PARVB: variants seen among roughly 807,000 people sequenced by gnomAD.
The protein encoded by PARVB is beta-parvin.
A neutral mutation model predicts 47.0 loss-of-function variants in PARVB; 46 were observed. That is an observed-to-expected ratio of 0.98 (90% CI 0.77 to 1.25). The LOEUF (loss-of-function observed/expected upper bound fraction) is 1.25. PARVB is among the 50% of genes most tolerant of loss of function. PARVB has a pLI of 0.00. For synonymous variants in PARVB, 196 were observed against 196.3 expected (o/e 1.00, Z 0.01); for missense variants, 473 against 471.6 (o/e 1.00, Z -0.03).
At chr22:44,073,607 C>A (rs1484264391) in intron 1 of PARVB, among the ~76,000 whole-genome samples, 4 of 152,230 alleles carry the variant, frequency 2.6e-5, no homozygotes, top group Non-Finnish European at 5.9e-5. Context: ...GTGTCACTGT[C>A]CTGATCTTCA....
At chr22:44,129,180 AT>A (rs2053256283) in intron 4 of PARVB, among the ~76,000 whole-genome samples, 2 of 152,162 alleles carry the variant, frequency 1.3e-5, no homozygotes, top group African/African-American at 4.8e-5. Flanking sequence ...AAAAGAGGAG[AT>A]TAGGACACAG....
intron 12 of PARVB, among the ~76,000 whole-genome samples, chr22:44,167,624 C>T (rs2054196577): frequency 6.6e-6 from 1 of 152,170 alleles, no homozygotes; most frequent in South Asian, 2.1e-4. Context: ...CCCCTGCCTC[C>T]ACTGGGCTGT....
intron 7 of PARVB, 46 bp downstream of exon 7, chr22:44,136,564 T>C (rs1262751249): frequency 1.3e-6 from 2 of 1,531,678 alleles, no homozygotes; most frequent in African/African-American, 1.4e-5. Flanking sequence ...CTGCCCCGAG[T>C]GAGTGGGACC....
At chr22:44,078,393 G>C (rs941952769) in intron 1 of PARVB, among the ~76,000 whole-genome samples, 6 of 152,192 alleles carry the variant, frequency 3.9e-5, no homozygotes, top group Non-Finnish European at 5.9e-5. Context: ...CATGGACTGA[G>C]TTCCCCTCTT....
chr22:44,167,997 A>G (rs2147196900), intron 12 of PARVB: 1 of 152,992 alleles, frequency 6.5e-6, no homozygotes, highest in Admixed American at 6.5e-5. Context: ...TCTTGTGATC[A>G]GGACTAAAGC....
intron 1 of PARVB, among the ~76,000 whole-genome samples, chr22:44,038,226 A>C (rs1258575998): frequency 6.6e-6 from 1 of 152,104 alleles, no homozygotes. Context: ...TTCCCATTTC[A>C]CTGGGAGATA....
In PARVB at chr22:44,024,375, C is replaced by T. The variant is rs2050693346; in HGVS notation, c.36C>T (p.Pro12=). The T allele has an allele frequency of 1.6e-6, 2 of 1,221,144 alleles. No homozygotes were observed. Among genetic ancestry groups the T allele is most frequent in the Non-Finnish European group, 2.1e-6 (2 of 967,050 alleles). 75.6% of individuals were successfully genotyped at this position (1,221,144 alleles called of 1,614,324 possible). A position where few individuals can be genotyped will look rare whatever the true frequency, so the allele number is the denominator to read the frequency against. Residue 12 remains proline (P), a synonymous_variant, in exon 1 of 13, where the codon CCC becomes CCT. Transcript: ENST00000338758. ...CGCCGCGCTCGCCCACCCCGCGGCC[C>T]CGCAGGATGAAGAAGGACGAGTCGT... ...SSAPRSPTPR[P]RRMKKDESFL...
chr22:44,078,022 G>A (rs1419282190), intron 1 of PARVB, among the ~76,000 whole-genome samples: 1 of 152,146 alleles, frequency 6.6e-6, no homozygotes, highest in Non-Finnish European at 1.5e-5. Context: ...TGGGCTTGGT[G>A]ACATGATAGA....
At chr22:44,075,455 G>C (rs933563761) in intron 1 of PARVB, among the ~76,000 whole-genome samples, 2 of 152,138 alleles carry the variant, frequency 1.3e-5, no homozygotes, top group Non-Finnish European at 2.9e-5. Flanking sequence ...TGTGGTACCT[G>C]GTGGACCCAC....
chr22:44,137,983 G>A (rs533080160), intron 7 of PARVB, among the ~76,000 whole-genome samples: 43 of 152,248 alleles, frequency 2.8e-4, no homozygotes, highest in Non-Finnish European at 5.0e-4. Context: ...CTAGGTGAGG[G>A]GGTCCCATAT....
intron 4 of PARVB, 68 bp downstream of exon 4, chr22:44,119,208 G>A (rs1189684725): frequency 2.2e-5 from 24 of 1,087,352 alleles, no homozygotes; most frequent in Middle Eastern, 2.1e-4. Flanking sequence ...GCTGGGCCAG[G>A]ATTCTCTGCA....
intron 8 of PARVB, chr22:44,144,064 C>T (rs532356724): frequency 9.7e-4 from 148 of 152,476 alleles, no homozygotes; most frequent in Non-Finnish European, 1.7e-3. Flanking sequence ...ACAGTCCACC[C>T]GGCTCTTGAA....
chr22:44,073,225 C>A (rs944152767), intron 1 of PARVB, among the ~76,000 whole-genome samples: 3 of 152,204 alleles, frequency 2.0e-5, no homozygotes, highest in African/African-American at 7.2e-5. Context: ...CACAATGGCT[C>A]ACACCTATAA....
chr22:44,055,962 A>G (rs2051303099), intron 1 of PARVB, among the ~76,000 whole-genome samples: 1 of 152,166 alleles, frequency 6.6e-6, no homozygotes, highest in Non-Finnish European at 1.5e-5. Flanking sequence ...ACACCTTCAC[A>G]GGCACGCCCA....
At chr22:44,107,404 A>G (rs2052591450) in intron 3 of PARVB, 1 of 152,252 alleles carries the variant, frequency 6.6e-6, no homozygotes, top group South Asian at 2.1e-4. Context: ...CAGTTGCCAT[A>G]TAAGGAGAAA....
At chr22:44,132,843 G>T in intron 5 of PARVB, 51 bp from the exon 6 acceptor site, 1 of 1,293,632 alleles carries the variant, frequency 7.7e-7, no homozygotes, top group Non-Finnish European at 1.1e-6. Flanking sequence ...GTGGGCTCAG[G>T]TTCCTGTGTA....
At chr22:44,003,990 C>T (rs1050160631) in intron 2 of PARVB, among the ~76,000 whole-genome samples, 1 of 152,196 alleles carries the variant, frequency 6.6e-6, no homozygotes, top group African/African-American at 2.4e-5. Flanking sequence ...GCCCCTAGTT[C>T]TGTTTGGAGA....
chr22:44,047,060 G>A (rs546061457), intron 1 of PARVB, among the ~76,000 whole-genome samples: 1 of 152,322 alleles, frequency 6.6e-6, no homozygotes, highest in African/African-American at 2.4e-5. Context: ...GAGCCACCAG[G>A]CCTATCCATG....
At chr22:44,048,874 T>G (rs1252203020) in intron 1 of PARVB, among the ~76,000 whole-genome samples, 2 of 152,156 alleles carry the variant, frequency 1.3e-5, no homozygotes, top group Non-Finnish European at 2.9e-5. Context: ...TTTTGTACTT[T>G]AGGTGGGATT....
Sources: gnomAD v4.1 joint callset for allele counts (sites outside exome capture counted in the v4.1 genomes callset) on GRCh38, gnomAD v4.1.1 for gene constraint, MANE v1.5 for transcripts, NCBI Gene and HGNC (gene_info 2026-07-23, HGNC 2026-07-21) for gene names.